INPP4A: variants seen among roughly 807,000 people sequenced by gnomAD.
INPP4A encodes inositol polyphosphate-4-phosphatase, type I, 107kD.
A neutral mutation model predicts 119.8 loss-of-function variants in INPP4A; 33 were observed. The observed-to-expected ratio is 0.28, with a 90% CI of 0.21 to 0.37. The LOEUF (loss-of-function observed/expected upper bound fraction) is 0.37. INPP4A is among the 10% of genes least tolerant of loss of function. INPP4A has a pLI of 1.00. For synonymous variants in INPP4A, 496 were observed against 500.7 expected (o/e 0.99, Z 0.12); for missense variants, 956 against 1,289.9 (o/e 0.74, Z 3.97).
chr2:98,572,824 G>A lies in INPP4A; in HGVS notation c.2528G>A (p.Arg843Gln), dbSNP rs760873847. Reference protein sequence around the residue: ...KEVLPEDCLPRSRSQTCLPEL... With the variant: ...KEVLPEDCLPQSRSQTCLPEL... ...TCCTTTTCTCTTCCAGGCCTGCCTC[G>A]GTCTCGCAGTCAGACGTGCCTGCCA... Residue 843 changes from arginine (R) to glutamine (Q), a missense_variant, in exon 23 of 25, where the codon CGG becomes CAG. Arg to Gln is a conservative substitution (Grantham distance 43). Transcript: ENST00000409851. The A allele has an allele frequency of 8.3e-6, 13 of 1,557,988 alleles. No homozygotes were observed. In the Admixed American group the frequency reaches 9.5e-5, roughly 11 times the overall value.
At position 98,563,523 on chromosome 2, in the gene INPP4A, G is replaced by C. The variant is rs1695874171; in HGVS notation, c.1914G>C (p.Met638Ile). Reference sequence around the variant, plus strand: ...CCACTCTCACCGACTGCGTGGCCATGATGAGTGACAAGGCCAAGAAGGCCA... The same window carrying C: ...CCACTCTCACCGACTGCGTGGCCATCATGAGTGACAAGGCCAAGAAGGCCA... ...LLTTLTDCVA[M>I]MSDKAKKAMV... Residue 638 changes from methionine to isoleucine, a missense_variant, in exon 18 of 25, where the codon ATG becomes ATC. By Grantham distance (10) the Met-to-Ile change is conservative. This residue lies in a region of INPP4A where 304 missense variants were observed against 492.1 expected (regional missense o/e 0.62). Transcript: ENST00000409851. 1.2e-6 allele frequency: 2 copies of C among 1,613,934 alleles called. No individual in the cohort carries two copies. Among genetic ancestry groups the C allele is most frequent in the Non-Finnish European group, 1.7e-6 (2 of 1,179,856 alleles).
rs370624475 is a variant in INPP4A at position 98,555,647 on chromosome 2, G to A, written c.1661G>A (p.Cys554Tyr). 2 of 1,613,854 alleles carry A rather than the reference G, an allele frequency of 1.2e-6. No individual in the cohort carries two copies. The highest frequency in any genetic ancestry group is 2.2e-5 in the East Asian group (1 of 44,898). ...AAGGAGCGGCTGCATGGCGAGGGCT[G>A]TGAGGATGTCTTCCCCTGTGCAGGC... ...LQKERLHGEG[C>Y]EDVFPCAGSC... Residue 554 changes from cysteine to tyrosine, a missense_variant, in exon 16 of 25, where the codon TGT becomes TAT. By Grantham distance (194) the Cys-to-Tyr change is radical (BLOSUM62 -2). Coordinates refer to ENST00000409851, the MANE Select transcript of INPP4A (RefSeq NM_001134225.2).
chr2:98,464,434 A>T (rs1470301573), intron 1 of INPP4A, among the ~76,000 whole-genome samples: 2 of 152,218 alleles, frequency 1.3e-5, no homozygotes, highest in African/African-American at 4.8e-5. Flanking sequence ...GCAAGGGCTG[A>T]AGAAACAAAA....
chr2:98,478,497 AG>A (rs986183104), intron 1 of INPP4A, among the ~76,000 whole-genome samples: 2 of 152,224 alleles, frequency 1.3e-5, no homozygotes, highest in African/African-American at 4.8e-5. Flanking sequence ...AGTCAAGGCG[AG>A]GCAGGGCTGT....
At chr2:98,582,070 A>G (rs757157889) in intron 24 of INPP4A, among the ~76,000 whole-genome samples, 2 of 152,150 alleles carry the variant, frequency 1.3e-5, no homozygotes, top group African/African-American at 2.4e-5. Context: ...ATGTACAACT[A>G]TTTATCACCT....
chr2:98,458,325 CAG>C (rs1696524590), intron 1 of INPP4A, among the ~76,000 whole-genome samples: 1 of 151,914 alleles, frequency 6.6e-6, no homozygotes. Context: ...GTCTTGGTGA[CAG>C]GGGCTTGCCT....
At chr2:98,470,152 G>A (rs1028530907) in intron 1 of INPP4A, among the ~76,000 whole-genome samples, 2 of 152,232 alleles carry the variant, frequency 1.3e-5, no homozygotes, top group Non-Finnish European at 2.9e-5. Context: ...CACATGACAT[G>A]TTGATGAGTC....
At position 98,539,768 on chromosome 2, in the gene INPP4A, T is replaced by A. The variant is rs1390145132; in HGVS notation, c.818+93T>A. 3.1e-6 allele frequency: 4 copies of A among 1,280,970 alleles called. No homozygotes were observed. The East Asian group carries it at 1.1e-4, about 36-fold the overall frequency. 79.4% of individuals were successfully genotyped at this position (1,280,970 alleles called of 1,614,324 possible). A position where few individuals can be genotyped will look rare whatever the true frequency, so the allele number is the denominator to read the frequency against. On this transcript the variant is annotated intron_variant, in intron 10 of 24. Coordinates refer to ENST00000409851, the MANE Select transcript of INPP4A (RefSeq NM_001134225.2). ...TAGCGGGCAGAGCACTGGCATCAGATAGACTGGACTGCAAACACAGCCTCT... is the reference window on the plus strand; with the variant it reads ...TAGCGGGCAGAGCACTGGCATCAGAAAGACTGGACTGCAAACACAGCCTCT...
intron 1 of INPP4A, among the ~76,000 whole-genome samples, chr2:98,501,879 G>A (rs556030023): frequency 2.0e-5 from 3 of 152,370 alleles, no homozygotes; most frequent in African/African-American, 4.8e-5. Flanking sequence ...TGAAGAACAT[G>A]TCTGGCCCCT....
chr2:98,455,042 A>G lies in INPP4A; in HGVS notation c.-166+9957A>G, dbSNP rs147869711. Among the ~76,000 whole-genome samples, 101 of 152,326 alleles carry G rather than the reference A, an allele frequency of 6.6e-4. 2 individuals carry two copies. The East Asian group carries it at 0.01, about 15-fold the overall frequency. ...TGTTTTAAAATAGGGCTAGGTGCCAAGAAATGTCAGGATAGGCTGAGTAAG... is the reference window on the plus strand; with the variant it reads ...TGTTTTAAAATAGGGCTAGGTGCCAGGAAATGTCAGGATAGGCTGAGTAAG... On this transcript the variant is annotated intron_variant, in intron 1 of 24. Transcript: ENST00000409851.
rs1312828429 is a variant in INPP4A, at chr2:98,537,905, C to A, written c.510C>A (p.Gly170=). Residue 170 remains glycine (G), a synonymous_variant, in exon 8 of 25, where the codon GGC becomes GGA. Transcript: ENST00000409851. ...SDRVGNITVI[G]WQMEEKSDQR... ...GTGTAGGTAACATCACCGTGATTGG[C>A]TGGCAGATGGAGGAGAAGTCAGACC... The A allele has an allele frequency of 6.2e-7, 1 of 1,613,198 alleles. No individual in the cohort carries two copies. Among genetic ancestry groups the A allele is most frequent in the South Asian group, 1.1e-5 (1 of 90,760 alleles).
chr2:98,498,247 A>G (rs146389588), intron 1 of INPP4A, among the ~76,000 whole-genome samples: 17 of 152,102 alleles, frequency 1.1e-4, no homozygotes, highest in African/African-American at 3.6e-4. Context: ...TAACTGAATC[A>G]TGGGGGGTGG....
At chr2:98,513,170 A>C (rs1685454217) in intron 1 of INPP4A, among the ~76,000 whole-genome samples, 1 of 152,058 alleles carries the variant, frequency 6.6e-6, no homozygotes, top group Non-Finnish European at 1.5e-5. Context: ...TCGTAGGCCC[A>C]ACTCCTCCTG....
At chr2:98,484,689 A>C (rs182580644) in intron 1 of INPP4A, among the ~76,000 whole-genome samples, 3 of 152,298 alleles carry the variant, frequency 2.0e-5, no homozygotes, top group Admixed American at 2.0e-4. Context: ...TCCATCTCCC[A>C]GTGCTTAACA....
intron 1 of INPP4A, among the ~76,000 whole-genome samples, chr2:98,513,793 G>A (rs1020484070): frequency 2.6e-5 from 4 of 152,164 alleles, no homozygotes; most frequent in African/African-American, 7.2e-5. Context: ...CCCTGTCACC[G>A]CAGCCATTCT....
At chr2:98,458,412 G>A (rs963010294) in intron 1 of INPP4A, among the ~76,000 whole-genome samples, 6 of 152,060 alleles carry the variant, frequency 3.9e-5, no homozygotes, top group African/African-American at 1.4e-4. Context: ...CGGATAGGCA[G>A]CAACTGAACA....
At chr2:98,464,055 A>G (rs1398753509) in intron 1 of INPP4A, among the ~76,000 whole-genome samples, 1 of 152,194 alleles carries the variant, frequency 6.6e-6, no homozygotes, top group Admixed American at 6.5e-5. Flanking sequence ...TAGGAAGTGA[A>G]TAGGCTTCTT....
At chr2:98,527,122 C>T (rs1197008260) in intron 4 of INPP4A, among the ~76,000 whole-genome samples, 1 of 152,162 alleles carries the variant, frequency 6.6e-6, no homozygotes, top group Non-Finnish European at 1.5e-5. Flanking sequence ...CTGTTGCTAT[C>T]GTCCTCTCTC....
chr2:98,546,525 A>G lies in INPP4A; in HGVS notation c.1055-61A>G. The G allele has an allele frequency of 8.4e-7, 1 of 1,188,972 alleles. No homozygotes were observed. Among genetic ancestry groups the G allele is most frequent in the Non-Finnish European group, 1.2e-6 (1 of 804,474 alleles). 73.7% of individuals were successfully genotyped at this position (1,188,972 alleles called of 1,614,324 possible). ...ACCCCAGACTTGTGTGCATATCCCTATAGCTGGCTTGTCCACAGGCCTGAG... is the reference window on the plus strand; with the variant it reads ...ACCCCAGACTTGTGTGCATATCCCTGTAGCTGGCTTGTCCACAGGCCTGAG... On this transcript the variant is annotated intron_variant, in intron 12 of 24. Transcript: ENST00000409851. This position sits in a 1 kb window ranked among gnomAD's most constrained non-coding sequence, Gnocchi z 4.2.
Sources: allele counts gnomAD v4.1 joint callset (sites outside exome capture counted in the v4.1 genomes callset), GRCh38; gene constraint gnomAD v4.1.1; regional missense constraint gnomAD v4.1.1; non-coding constraint Gnocchi (gnomAD v3.1); transcripts MANE v1.5; gene names NCBI Gene and HGNC (gene_info 2026-07-23, HGNC 2026-07-21).